Variants in PDE9A observed in about 807,000 individuals in gnomAD.
The protein encoded by PDE9A is high affinity cGMP-specific 3',5'-cyclic phosphodiesterase 9A.
In PDE9A, 60 loss-of-function variants were observed where a neutral mutation model predicts 87.4. The observed-to-expected ratio is 0.69, with a 90% CI of 0.56 to 0.85. The LOEUF is 0.85. Among genes scored for constraint, PDE9A ranks in the 40% least tolerant of loss-of-function variants. PDE9A has a pLI of 0.00. For missense variants in PDE9A, 665 were observed against 779.0 expected, an observed-to-expected ratio of 0.85 and a Z score of 1.74; for synonymous variants, 272 against 279.4, an observed-to-expected ratio of 0.97 and a Z score of 0.27.
intron 7 of PDE9A, among the ~76,000 whole-genome samples, chr21:42,734,990 G>A (rs888740485): frequency 1.3e-5 from 2 of 152,188 alleles, no homozygotes; most frequent in African/African-American, 4.8e-5. Context: ...TGATAACGCA[G>A]GTTAGAAAGC....
intron 8 of PDE9A, among the ~76,000 whole-genome samples, chr21:42,746,936 G>A (rs188550544): frequency 6.6e-6 from 1 of 152,350 alleles, no homozygotes; most frequent in African/African-American, 2.4e-5. Context: ...TCGGCTGACA[G>A]CTCTGGCAGC....
At chr21:42,679,758 G>A (rs563920251) in intron 1 of PDE9A, among the ~76,000 whole-genome samples, 8 of 152,278 alleles carry the variant, frequency 5.3e-5, no homozygotes, top group East Asian at 3.9e-4. Context: ...GAAAGGAAAC[G>A]ACTCACCCCC....
chr21:42,749,313 C>G (rs562952616), intron 8 of PDE9A, among the ~76,000 whole-genome samples: 1 of 152,318 alleles, frequency 6.6e-6, no homozygotes, highest in Admixed American at 6.5e-5. Context: ...GAATGTCACA[C>G]AAGCCAGGCG....
At chr21:42,769,207 G>GCA (rs2056676106) in intron 17 of PDE9A, 52 bp downstream of exon 17, 1 of 1,488,980 alleles carries the variant, frequency 6.7e-7, no homozygotes, top group African/African-American at 1.4e-5. Flanking sequence ...ATACATGCAT[G>GCA]CACACACAGG....
intron 4 of PDE9A, among the ~76,000 whole-genome samples, chr21:42,721,370 G>A (rs2269151): frequency 0.64 from 97,348 of 152,076 alleles, 31,697 homozygotes; most frequent in East Asian, 0.94. Context: ...CAGGGTCTTC[G>A]GTTGATTTTC....
chr21:42,729,848 C>T (rs890770324), intron 4 of PDE9A, among the ~76,000 whole-genome samples: 53 of 152,234 alleles, frequency 3.5e-4, no homozygotes, highest in African/African-American at 1.2e-3. Context: ...CTTTGATCCT[C>T]GTGTGGTCAG....
chr21:42,697,617 G>A (rs546188472), intron 3 of PDE9A: 13 of 729,506 alleles, frequency 1.8e-5, no homozygotes, highest in Admixed American at 3.9e-5. Context: ...CCAAGATGAG[G>A]GTGTGGGCAG....
Position 42,743,837 on chromosome 21 carries a change from G to A in PDE9A, c.630G>A (p.Glu210=). ...KCKSDIKKMR[E]ELAARSSRTN... is the part of the protein sequence containing the mutation. ...AGAGTGACATTAAGAAGATGAGGGA[G>A]GAGCTGGCGGCCAGAAGCAGCAGGT... Residue 210 remains glutamate, a synonymous_variant, in exon 8 of 20, where the codon GAG becomes GAA. Coordinates refer to ENST00000291539, the MANE Select transcript of PDE9A (RefSeq NM_002606.3). 6.3e-7 allele frequency: 1 copy of A among 1,584,240 alleles called. No individual in the cohort carries two copies. Among genetic ancestry groups the A allele is most frequent in the East Asian group, 2.3e-5 (1 of 43,142 alleles).
intron 1 of PDE9A, among the ~76,000 whole-genome samples, chr21:42,664,608 G>A (rs564036850): frequency 4.0e-4 from 60 of 151,844 alleles, no homozygotes; most frequent in African/African-American, 1.3e-3. Context: ...GGAAATTTGT[G>A]CTTCATTTTC....
chr21:42,735,231 C>T (rs1401450681), intron 7 of PDE9A, among the ~76,000 whole-genome samples: 1 of 152,204 alleles, frequency 6.6e-6, no homozygotes, highest in African/African-American at 2.4e-5. Flanking sequence ...GTACTCCTCA[C>T]TCTGGACCTA....
At position 42,693,961 on chromosome 21, in the gene PDE9A, A is replaced by AT. The variant is rs142357918; in HGVS notation, c.219-4995dup. On this transcript the variant is annotated intron_variant, in intron 3 of 19. Transcript: ENST00000291539. The stretch of plus-strand genomic sequence containing the variant: ...TCAATTAAGTCCAGATTTTTAAGAG[A>AT]TTTTTTTTTTTTAAAGCTCTGCAAG... Among the ~76,000 whole-genome samples, 1,066 of 147,926 alleles carry AT rather than the reference A, an allele frequency of 7.2e-3. 17 individuals carry two copies. The highest frequency in any genetic ancestry group is 0.023 in the African/African-American group (940 of 40,308).
intron 8 of PDE9A, among the ~76,000 whole-genome samples, chr21:42,745,096 T>A (rs1470586974): frequency 6.6e-6 from 1 of 152,208 alleles, no homozygotes. Context: ...TGACGATCAT[T>A]CCCTGATTTT....
In PDE9A at chr21:42,716,747, CTTTTTTTTT is replaced by C. The variant is rs60104683; in HGVS notation, c.263-15010_263-15002del. Among the ~76,000 whole-genome samples, 6 of 94,256 alleles carry C rather than the reference CTTTTTTTTT, an allele frequency of 6.4e-5. No homozygotes were observed. The Admixed American group carries it at 7.9e-4, about 12-fold the overall frequency. 61.8% of individuals were successfully genotyped at this position (94,256 alleles called of 152,430 possible). A position where few individuals can be genotyped will look rare whatever the true frequency, so the allele number is the denominator to read the frequency against. On this transcript the variant is annotated intron_variant, in intron 4 of 19. Coordinates refer to ENST00000291539, the MANE Select transcript of PDE9A (RefSeq NM_002606.3). Reference sequence around the variant, plus strand: ...CCCCATAATACAATATTATAATTTCCTTTTTTTTTTTTTTTTTTTTTGAGACGGAGTCTC... The same window carrying C: ...CCCCATAATACAATATTATAATTTCCTTTTTTTTTTTTGAGACGGAGTCTC...
At chr21:42,737,345 A>T (rs1053188093) in intron 7 of PDE9A, among the ~76,000 whole-genome samples, 6 of 152,274 alleles carry the variant, frequency 3.9e-5, no homozygotes, top group South Asian at 2.1e-4. Flanking sequence ...CACACGTGTA[A>T]GCACCCAGGC....
At chr21:42,693,007 C>T (rs2059939795) in intron 3 of PDE9A, among the ~76,000 whole-genome samples, 1 of 152,244 alleles carries the variant, frequency 6.6e-6, no homozygotes, top group African/African-American at 2.4e-5. Context: ...GACTTTCTTG[C>T]TGTGACTATG....
intron 4 of PDE9A, among the ~76,000 whole-genome samples, chr21:42,706,064 G>A (rs1250045836): frequency 1.3e-5 from 2 of 152,234 alleles, no homozygotes; most frequent in Non-Finnish European, 2.9e-5. Flanking sequence ...CGGCCGGCAG[G>A]GTGGGCAGGC....
rs765252066 is a variant in PDE9A, at chr21:42,685,467, C to CTTTTTTTTTTTTTTTTTT, written c.70-709_70-708insTTTTTTTTTTTTTTTTTT. Among the ~76,000 whole-genome samples the CTTTTTTTTTTTTTTTTTT allele has an allele frequency of 3.5e-4, 40 of 115,936 alleles. 7 individuals are homozygous for CTTTTTTTTTTTTTTTTTT. The highest frequency in any genetic ancestry group is 8.0e-4 in the East Asian group (3 of 3,742). 76.1% of individuals were successfully genotyped at this position (115,936 alleles called of 152,430 possible). On this transcript the variant is annotated intron_variant, in intron 1 of 19. Transcript: ENST00000291539. ...CAGTCCCCAAATACCGAAAGGCAGT[C>CTTTTTTTTTTTTTTTTTT]TTTTTTTTTTTTTTTTGAGACGGAG... is the stretch of plus-strand genomic sequence containing the variant.
chr21:42,711,408 G>A (rs1015036483), intron 4 of PDE9A, among the ~76,000 whole-genome samples: 4 of 151,872 alleles, frequency 2.6e-5, no homozygotes, highest in East Asian at 1.9e-4. Context: ...TTGCCACCAC[G>A]CCTGGCTAAT....
intron 19 of PDE9A, among the ~76,000 whole-genome samples, chr21:42,773,259 C>CAAAAAA (rs10552392): frequency 1.2e-5 from 1 of 84,258 alleles, no homozygotes; most frequent in African/African-American, 4.5e-5. Context: ...GACTCCATCT[C>CAAAAAA]AAAAAAAAAA....
Sources: allele counts gnomAD v4.1 joint callset (sites outside exome capture counted in the v4.1 genomes callset), GRCh38; gene constraint gnomAD v4.1.1; transcripts MANE v1.5; gene names NCBI Gene and HGNC (gene_info 2026-07-23, HGNC 2026-07-21).